SYNDIG1L: variants seen among roughly 807,000 people sequenced by gnomAD.
SYNDIG1L encodes synapse differentiation-inducing gene protein 1-like.
In SYNDIG1L, 13 loss-of-function variants were observed where a neutral mutation model predicts 20.1. The observed-to-expected ratio is 0.65, with a 90% confidence interval of 0.42 to 1.03. The LOEUF (loss-of-function observed/expected upper bound fraction) is 1.03. SYNDIG1L is among the 50% of genes least tolerant of loss of function. SYNDIG1L has a pLI of 0.00. For synonymous variants in SYNDIG1L, 128 were observed against 129.3 expected, an observed-to-expected ratio of 0.99 and a Z score of 0.07; for missense variants, 294 against 305.1, an observed-to-expected ratio of 0.96 and a Z score of 0.27.
chr14:74,408,519 G>T (rs146170029), intron 2 of SYNDIG1L, among the ~76,000 whole-genome samples: 31 of 146,556 alleles, frequency 2.1e-4, no homozygotes, highest in Middle Eastern at 3.6e-3. Context: ...AGCTGAGATC[G>T]CACCTTTGCA....
the SYNDIG1L span, among the ~76,000 whole-genome samples, chr14:74,471,654 G>A: frequency 3.3e-5 from 5 of 151,868 alleles, no homozygotes; most frequent in Admixed American, 1.3e-4. Context: ...TTTACAGACC[G>A]AACTAAGAGT....
the SYNDIG1L span, among the ~76,000 whole-genome samples, chr14:74,439,563 A>C: frequency 6.6e-6 from 1 of 152,104 alleles, no homozygotes; most frequent in Admixed American, 6.6e-5. Flanking sequence ...ATTTACATTT[A>C]CAATATATTG....
At position 74,413,545 on chromosome 14, in the gene SYNDIG1L, G is replaced by A. The variant is rs2086149378; in HGVS notation, c.-57-3744C>T. Among the ~76,000 whole-genome samples the A allele has an allele frequency of 2.0e-5, 3 of 151,852 alleles. No homozygotes were observed. In the South Asian group the frequency reaches 6.2e-4, roughly 32 times the overall value. On this transcript the variant is annotated intron_variant, in intron 1 of 3. Transcript: ENST00000331628. ...ATGTCAAGAGTGATTATCTCCAGGGGTGGGAGCACAGGTGCTTTTCATTTT... is the reference window on the plus strand; with the variant it reads ...ATGTCAAGAGTGATTATCTCCAGGGATGGGAGCACAGGTGCTTTTCATTTT...
At chr14:74,439,782 G>A in the SYNDIG1L span, among the ~76,000 whole-genome samples, 1 of 151,432 alleles carries the variant, frequency 6.6e-6, no homozygotes, top group Non-Finnish European at 1.5e-5. Flanking sequence ...GGGAGGCTGA[G>A]GCAGGAGAAT....
At chr14:74,469,266 A>G in the SYNDIG1L span, among the ~76,000 whole-genome samples, 3 of 151,512 alleles carry the variant, frequency 2.0e-5, no homozygotes, top group African/African-American at 7.3e-5. Flanking sequence ...TGAGCATCGC[A>G]AGGACAGAAA....
chr14:74,408,739 A>G (rs925651285), intron 2 of SYNDIG1L, among the ~76,000 whole-genome samples: 1 of 152,188 alleles, frequency 6.6e-6, no homozygotes, highest in South Asian at 2.1e-4. Flanking sequence ...ATAAAATCAG[A>G]TTATAAAACT....
At chr14:74,457,858 T>C in the SYNDIG1L span, among the ~76,000 whole-genome samples, 1 of 152,072 alleles carries the variant, frequency 6.6e-6, no homozygotes, top group Non-Finnish European at 1.5e-5. Context: ...GCTGCAGTGG[T>C]GCGGTCACAA....
At chr14:74,453,630 TA>T in the SYNDIG1L span, among the ~76,000 whole-genome samples, 1 of 151,896 alleles carries the variant, frequency 6.6e-6, no homozygotes, top group East Asian at 1.9e-4. Flanking sequence ...AGCTGTTTTT[TA>T]AAAAAGAAGT....
At chr14:74,412,417 C>T (rs1336144271) in intron 1 of SYNDIG1L, among the ~76,000 whole-genome samples, 3 of 152,176 alleles carry the variant, frequency 2.0e-5, no homozygotes, top group Non-Finnish European at 4.4e-5. Flanking sequence ...ATTCCATGCC[C>T]GGTCCACCCC....
chr14:74,447,577 ACT>A, the SYNDIG1L span, among the ~76,000 whole-genome samples: 1 of 121,772 alleles, frequency 8.2e-6, no homozygotes, highest in South Asian at 3.0e-4. Context: ...AAAGAGCAAA[ACT>A]CTGTCTCAAA....
the SYNDIG1L span, among the ~76,000 whole-genome samples, chr14:74,477,801 C>T: frequency 6.6e-6 from 1 of 152,198 alleles, no homozygotes; most frequent in Admixed American, 6.5e-5. Context: ...CCTCCAAAAC[C>T]TGCTCCGTGG....
intron 1 of SYNDIG1L, among the ~76,000 whole-genome samples, chr14:74,419,966 G>C (rs1475542514): frequency 6.6e-6 from 1 of 152,154 alleles, no homozygotes; most frequent in Non-Finnish European, 1.5e-5. Flanking sequence ...TGGGGAGCCA[G>C]TGATGGGTGT....
At chr14:74,456,944 C>G in the SYNDIG1L span, among the ~76,000 whole-genome samples, 6 of 152,144 alleles carry the variant, frequency 3.9e-5, no homozygotes, top group African/African-American at 1.4e-4. Context: ...CCAGGCAGTT[C>G]ACGCTTTTGA....
chr14:74,441,164 A>T, the SYNDIG1L span, among the ~76,000 whole-genome samples: 2 of 152,356 alleles, frequency 1.3e-5, no homozygotes, highest in South Asian at 4.1e-4. Flanking sequence ...TGCTTGTCGG[A>T]TAGCCCTTAG....
chr14:74,463,804 G>A, the SYNDIG1L span, among the ~76,000 whole-genome samples: 1 of 152,208 alleles, frequency 6.6e-6, no homozygotes, highest in African/African-American at 2.4e-5. Context: ...GACAGATCCA[G>A]GTTAGGGAAG....
chr14:74,452,505 G>A, the SYNDIG1L span, among the ~76,000 whole-genome samples: 1 of 152,172 alleles, frequency 6.6e-6, no homozygotes, highest in African/African-American at 2.4e-5. Context: ...CATGTAAGAT[G>A]TACTTGCTCC....
At chr14:74,454,842 CACCTAT>C in the SYNDIG1L span, among the ~76,000 whole-genome samples, 2 of 152,222 alleles carry the variant, frequency 1.3e-5, no homozygotes, top group African/African-American at 2.4e-5. Flanking sequence ...AAAACAAATT[CACCTAT>C]TGTGAGGTTT....
At chr14:74,417,996 T>C (rs2086190553) in intron 1 of SYNDIG1L, among the ~76,000 whole-genome samples, 1 of 152,218 alleles carries the variant, frequency 6.6e-6, no homozygotes, top group African/African-American at 2.4e-5. Context: ...AGAGATTGCT[T>C]TTAAACTGAG....
At chr14:74,476,159 C>A in the SYNDIG1L span, 1 of 471,524 alleles carries the variant, frequency 2.1e-6, no homozygotes, top group Non-Finnish European at 3.8e-6. Context: ...TTTGCAGTAT[C>A]CCCCTTTGTG....
Sources: gnomAD v4.1 joint callset for allele counts (sites outside exome capture counted in the v4.1 genomes callset) on GRCh38, gnomAD v4.1.1 for gene constraint, MANE v1.5 for transcripts, NCBI Gene and HGNC (gene_info 2026-07-23, HGNC 2026-07-21) for gene names.